LTBP1: variants seen among roughly 807,000 people sequenced by gnomAD.
The protein encoded by LTBP1 is latent-transforming growth factor beta-binding protein 1.
A neutral mutation model predicts 207.6 loss-of-function variants in LTBP1; 129 were observed. The ratio of observed to expected loss-of-function variants is 0.62; its 90% confidence interval spans 0.54 to 0.72. The LOEUF is 0.72. LTBP1 is among the 30% of genes least tolerant of loss of function. LTBP1 has a pLI of 0.00. For missense variants in LTBP1, 2,281 were observed against 2,217.2 expected, an observed-to-expected ratio of 1.03 and a Z score of -0.58; for synonymous variants, 963 against 833.7, an observed-to-expected ratio of 1.16 and a Z score of -2.67.
chr2:33,229,354 A>T (rs1573312926), intron 9 of LTBP1, among the ~76,000 whole-genome samples: 2 of 151,994 alleles, frequency 1.3e-5, no homozygotes, highest in East Asian at 1.9e-4. Flanking sequence ...GCATGCCTGT[A>T]ATCCCAGCTA....
intron 9 of LTBP1, among the ~76,000 whole-genome samples, chr2:33,236,337 A>G (rs1341055440): frequency 6.6e-6 from 1 of 152,220 alleles, no homozygotes; most frequent in African/African-American, 2.4e-5. Flanking sequence ...TAGATAATTT[A>G]CTGATTTGAA....
At chr2:33,083,969 G>A (rs1340594944) in intron 3 of LTBP1, among the ~76,000 whole-genome samples, 1 of 152,138 alleles carries the variant, frequency 6.6e-6, no homozygotes, top group Non-Finnish European at 1.5e-5. Context: ...AATAAGGTTG[G>A]GGCCCCCAGA....
At chr2:33,087,525 A>G (rs1021024117) in intron 3 of LTBP1, among the ~76,000 whole-genome samples, 1 of 152,176 alleles carries the variant, frequency 6.6e-6, no homozygotes, top group African/African-American at 2.4e-5. Flanking sequence ...AGATGGGGGA[A>G]TTTATTGTGT....
chr2:33,372,261 A>C (rs1224319303), intron 31 of LTBP1, among the ~76,000 whole-genome samples: 2 of 152,198 alleles, frequency 1.3e-5, no homozygotes, highest in African/African-American at 4.8e-5. Flanking sequence ...CCATGATCCC[A>C]AAGCACATCT....
chr2:33,095,675 T>G (rs2079344207), intron 3 of LTBP1, among the ~76,000 whole-genome samples: 1 of 152,046 alleles, frequency 6.6e-6, no homozygotes. Context: ...AAAAAGCATA[T>G]ATATATAAAT....
intron 3 of LTBP1, among the ~76,000 whole-genome samples, chr2:33,027,019 A>G (rs965376262): frequency 1.1e-4 from 16 of 152,214 alleles, no homozygotes; most frequent in Non-Finnish European, 2.2e-4. Context: ...CTGTATGTAA[A>G]TAATACGGTG....
intron 26 of LTBP1, among the ~76,000 whole-genome samples, chr2:33,358,918 G>A (rs188017899): frequency 1.3e-5 from 2 of 152,250 alleles, no homozygotes; most frequent in East Asian, 1.9e-4. Flanking sequence ...ACGAAGATCC[G>A]TTCCGTTAAG....
intron 2 of LTBP1, among the ~76,000 whole-genome samples, chr2:32,957,948 G>A (rs1409648133): frequency 6.6e-6 from 1 of 152,092 alleles, no homozygotes; most frequent in African/African-American, 2.4e-5. Context: ...AGACTGTGTG[G>A]TTATAAGAAG....
intron 2 of LTBP1, among the ~76,000 whole-genome samples, chr2:33,016,022 T>C (rs1688327211): frequency 6.6e-6 from 1 of 152,168 alleles, no homozygotes; most frequent in African/African-American, 2.4e-5. Flanking sequence ...GGGATTATAA[T>C]TCAACAGGAG....
chr2:33,011,108 A>C (rs1187315172), intron 2 of LTBP1, among the ~76,000 whole-genome samples: 2 of 152,130 alleles, frequency 1.3e-5, no homozygotes. Flanking sequence ...ATTTGCATAC[A>C]AAATTCCCTA....
rs143245291 is a variant in LTBP1 at position 33,392,908 on chromosome 2, A to G, written c.4834+3602A>G. Among the ~76,000 whole-genome samples the G allele has an allele frequency of 4.7e-5, 7 of 150,258 alleles. No homozygotes were observed. In the East Asian group the frequency reaches 7.8e-4, roughly 17 times the overall value. ...TTTTTTTTTAAATTGGGGTCTCACT[A>G]TATTGCCCAGGCTGGTCTTCACCCC... On this transcript the variant is annotated intron_variant, in intron 32 of 33. Transcript: ENST00000404816.
At chr2:33,312,216 C>A (rs76386225) in intron 23 of LTBP1, among the ~76,000 whole-genome samples, 4,167 of 150,902 alleles carry the variant, frequency 0.028, 207 homozygotes, top group African/African-American at 0.095. Context: ...TGTTTAAATT[C>A]TGAAAATGTA....
chr2:32,976,646 A>G (rs1448893136), intron 2 of LTBP1, among the ~76,000 whole-genome samples: 4 of 152,184 alleles, frequency 2.6e-5, no homozygotes, highest in Non-Finnish European at 4.4e-5. Context: ...AGGCCCCTCC[A>G]ATCACTGGCT....
chr2:33,272,069 G>T (rs1350751884), intron 15 of LTBP1, among the ~76,000 whole-genome samples: 1 of 152,204 alleles, frequency 6.6e-6, no homozygotes, highest in Non-Finnish European at 1.5e-5. Context: ...GTGACTTTGT[G>T]TAAAATGCTG....
At chr2:33,354,681 TATACACAC>T (rs1200278159) in intron 26 of LTBP1, among the ~76,000 whole-genome samples, 3 of 109,484 alleles carry the variant, frequency 2.7e-5, no homozygotes, top group Non-Finnish European at 3.7e-5. Flanking sequence ...AAACTAAAAC[TATACACAC>T]ACACACACAC....
At chr2:33,372,470 T>C (rs2095081203) in intron 31 of LTBP1, among the ~76,000 whole-genome samples, 1 of 152,236 alleles carries the variant, frequency 6.6e-6, no homozygotes, top group African/African-American at 2.4e-5. Flanking sequence ...TTCAATGGAC[T>C]AATGAACTAA....
At chr2:32,967,238 C>T (rs1296328877) in intron 2 of LTBP1, among the ~76,000 whole-genome samples, 1 of 151,944 alleles carries the variant, frequency 6.6e-6, no homozygotes, top group Non-Finnish European at 1.5e-5. Context: ...AGAGGCTTAT[C>T]AATTATATTG....
chr2:33,093,410 G>GA (rs529301795), intron 3 of LTBP1, among the ~76,000 whole-genome samples: 2 of 151,332 alleles, frequency 1.3e-5, no homozygotes, highest in South Asian at 2.1e-4. Flanking sequence ...GGAAACAGTT[G>GA]AAAAAAAATT....
intron 24 of LTBP1, among the ~76,000 whole-genome samples, chr2:33,315,539 T>C (rs899696713): frequency 2.0e-5 from 3 of 152,194 alleles, no homozygotes; most frequent in African/African-American, 7.2e-5. Context: ...CAAGGACTGA[T>C]AGGAGACATG....
Sources: gnomAD v4.1 joint callset for allele counts (sites outside exome capture counted in the v4.1 genomes callset) on GRCh38, gnomAD v4.1.1 for gene constraint, MANE v1.5 for transcripts, NCBI Gene and HGNC (gene_info 2026-07-23, HGNC 2026-07-21) for gene names.